The following WASHC5 variants were observed in gnomAD, a reference collection of about 807,000 sequenced individuals.
WASHC5 encodes the protein WASH complex subunit 5, also known as WASH complex subunit strumpellin.
A neutral mutation model predicts 150.4 loss-of-function variants in WASHC5; 101 were observed. That is an observed-to-expected ratio of 0.67 (90% CI 0.57 to 0.79). The LOEUF (loss-of-function observed/expected upper bound fraction) is 0.79. Ranked by LOEUF, WASHC5 falls within the 30% of genes least tolerant of loss-of-function variation. The pLI, the probability that WASHC5 is intolerant of heterozygous loss-of-function variation, is 0.00. For missense variants in WASHC5, 1,195 were observed against 1,396.3 expected, an observed-to-expected ratio of 0.86 and a Z score of 2.30; for synonymous variants, 467 against 491.2, an observed-to-expected ratio of 0.95 and a Z score of 0.65.
intron 9 of WASHC5, among the ~76,000 whole-genome samples, chr8:125,071,019 CA>C (rs1441745893): frequency 1.3e-5 from 2 of 152,226 alleles, no homozygotes; most frequent in African/African-American, 2.4e-5. Context: ...AGGAAGGCTA[CA>C]GAGAAGTCTT....
At chr8:125,057,435 G>T in intron 15 of WASHC5, 121 bp downstream of exon 15, 1 of 731,260 alleles carries the variant, frequency 1.4e-6, no homozygotes, top group Non-Finnish European at 2.4e-6. Flanking sequence ...CAAATTTCTG[G>T]AATCAAATTT....
At chr8:125,061,565 AG>A (rs1165219007) in intron 11 of WASHC5, among the ~76,000 whole-genome samples, 1 of 152,192 alleles carries the variant, frequency 6.6e-6, no homozygotes, top group African/African-American at 2.4e-5. Context: ...GAGATGAAGA[AG>A]GGAATTGTAT....
intron 17 of WASHC5, among the ~76,000 whole-genome samples, chr8:125,053,174 C>T (rs1368520207): frequency 1.3e-5 from 2 of 149,330 alleles, no homozygotes; most frequent in Non-Finnish European, 3.0e-5. Context: ...TGTTTTAAGT[C>T]AATATCAACC....
intron 14 of WASHC5, among the ~76,000 whole-genome samples, chr8:125,057,943 T>C (rs1404552339): frequency 1.3e-5 from 2 of 152,106 alleles, no homozygotes; most frequent in African/African-American, 4.8e-5. Flanking sequence ...TCAGACACCC[T>C]GGGGGTGCGG....
rs957282087 is a variant in WASHC5, at chr8:125,078,853, G to C, written c.596C>G (p.Pro199Arg). Residue 199 changes from proline (P) to arginine (R), a missense_variant, in exon 6 of 29, where the codon CCA (proline) becomes CGA (arginine). Transcript: ENST00000318410. ...LLRSTGYSSQ[P>R]GAKRPSNYPE... ...ATAGTTGGATGGTCTTTTGGCACCT[G>C]GTTGGCTAGAATAACCTGTACTTCG... The C allele has an allele frequency of 1.9e-6, 3 of 1,613,736 alleles. No individual in the cohort carries two copies. The African/African-American group carries it at 4.0e-5, about 22-fold the overall frequency.
chr8:125,056,661 C>CA lies in WASHC5; in HGVS notation c.2016+15dup, dbSNP rs776006036. The CA allele has an allele frequency of 3.1e-6, 5 of 1,613,806 alleles. No homozygotes were observed. In the Admixed American group the frequency reaches 8.3e-5, roughly 27 times the overall value. The stretch of plus-strand genomic sequence containing the variant: ...GTTTTTAATATGAAAAGGCAGAAGT[C>CA]AGAGGGACACAGCACCTCGTATCGT... On this transcript the variant is annotated intron_variant, in intron 16 of 28. Coordinates refer to ENST00000318410, the MANE Select transcript of WASHC5 (RefSeq NM_014846.4).
chr8:125,041,049 A>G (rs1161554242), intron 23 of WASHC5, among the ~76,000 whole-genome samples: 1 of 152,258 alleles, frequency 6.6e-6, no homozygotes, highest in Non-Finnish European at 1.5e-5. Flanking sequence ...GTACTTTAAA[A>G]GTAGCTATGA....
In WASHC5 at chr8:125,043,983, G is replaced by A. The variant is rs1815975279; in HGVS notation, c.2770+9C>T. The A allele has an allele frequency of 6.2e-7, 1 of 1,606,188 alleles. No homozygotes were observed. The highest frequency in any genetic ancestry group is 1.3e-5 in the African/African-American group (1 of 74,766). On this transcript the variant is annotated intron_variant, in intron 22 of 28. Transcript: ENST00000318410. ...TCATCCCCGCCTCAGGTAGTTTCAG[G>A]ACACTCACCGACAATACTTTTTAGG...
chr8:125,047,089 A>G (rs767517091), intron 20 of WASHC5, 118 bp downstream of exon 20: 17 of 1,253,174 alleles, frequency 1.4e-5, no homozygotes, highest in Non-Finnish European at 2.0e-5. Flanking sequence ...AAGGGTCAGA[A>G]TATGAGTTGA....
chr8:125,081,393 G>A (rs960685040), intron 5 of WASHC5, among the ~76,000 whole-genome samples: 5 of 151,722 alleles, frequency 3.3e-5, no homozygotes, highest in Non-Finnish European at 7.4e-5. Context: ...GCCCACCACC[G>A]TGCCTGGCTA....
At chr8:125,072,353 G>A (rs78510710) in intron 9 of WASHC5, among the ~76,000 whole-genome samples, 2 of 38,340 alleles carry the variant, frequency 5.2e-5, no homozygotes, top group Non-Finnish European at 8.7e-5. Context: ...AAAAAAAAGT[G>A]GGGGGGGGGG....
chr8:125,078,677 G>A, intron 6 of WASHC5, 61 bp downstream of exon 6: 5 of 1,322,964 alleles, frequency 3.8e-6, no homozygotes, highest in Non-Finnish European at 5.5e-6. Context: ...AGTAATTAAA[G>A]AGGGAAGTGA....
intron 17 of WASHC5, among the ~76,000 whole-genome samples, chr8:125,054,727 G>T (rs908174833): frequency 6.6e-6 from 1 of 152,054 alleles, no homozygotes; most frequent in African/African-American, 2.4e-5. Context: ...GCTGAGGCAG[G>T]AGAATGGTGT....
Position 125,078,578 on chromosome 8 carries a change from C to T in WASHC5, c.711+160G>A, listed in dbSNP as rs762383380. 1.1e-3 allele frequency among the ~76,000 whole-genome samples: 160 copies of T among 152,188 alleles called. 1 individual carries two copies. The highest frequency in any genetic ancestry group is 5.1e-4 in the Non-Finnish European group (35 of 68,034). ...TATGATTCTGGCAAAATTAATAACC[C>T]TCTTTCCTTTATCATCCTGGGGTGT... On this transcript the variant is annotated intron_variant, in intron 6 of 28. Transcript: ENST00000318410.
At chr8:125,067,525 T>C in intron 10 of WASHC5, 67 bp downstream of exon 10, 10 of 1,380,342 alleles carry the variant, frequency 7.2e-6, no homozygotes, top group Non-Finnish European at 1.0e-5. Context: ...CCTAGTCTTT[T>C]TTTTAAAAAA....
At chr8:125,053,193 C>T (rs1361147011) in intron 17 of WASHC5, among the ~76,000 whole-genome samples, 1 of 151,158 alleles carries the variant, frequency 6.6e-6, no homozygotes, top group African/African-American at 2.4e-5. Context: ...CCAAACTGAA[C>T]CTACACTTTT....
intron 7 of WASHC5, among the ~76,000 whole-genome samples, chr8:125,075,733 C>T (rs942949920): frequency 6.6e-6 from 1 of 152,036 alleles, no homozygotes; most frequent in African/African-American, 2.4e-5. Context: ...ATTCAACAGC[C>T]GATATAGAAG....
chr8:125,046,351 T>C (rs1816069092), intron 20 of WASHC5, among the ~76,000 whole-genome samples: 1 of 152,246 alleles, frequency 6.6e-6, no homozygotes, highest in South Asian at 2.1e-4. Flanking sequence ...TGCTAGTCTC[T>C]GCCGTGGTGC....
At position 125,075,101 on chromosome 8, in the gene WASHC5, A is replaced by G. The variant is rs1218811554; in HGVS notation, c.875T>C (p.Ile292Thr). ...TAGATTAACTGTGATCCCCATGTAA[A>G]TACTAATTACCTGAAAGAGGAGACA... ...KYFPDNWVIS[I>T]YMGITVNLVD... The change falls in exon 8 of 29, where the codon ATT (isoleucine) becomes ACT (threonine). Residue 292 changes from isoleucine (I) to threonine (T), a missense_variant. Ile to Thr is a moderately conservative substitution (Grantham distance 89, BLOSUM62 -1). Coordinates refer to ENST00000318410, the MANE Select transcript of WASHC5 (RefSeq NM_014846.4). The G allele has an allele frequency of 8.2e-6, 13 of 1,592,872 alleles. No homozygotes were observed. The highest frequency in any genetic ancestry group is 1.1e-5 in the Non-Finnish European group (13 of 1,161,094).
Sources: allele counts gnomAD v4.1 joint callset (sites outside exome capture counted in the v4.1 genomes callset), GRCh38; gene constraint gnomAD v4.1.1; transcripts MANE v1.5; gene names NCBI Gene and HGNC (gene_info 2026-07-23, HGNC 2026-07-21).